The following KEAP1 variants were observed in gnomAD, a reference collection of about 807,000 sequenced individuals.
The protein encoded by KEAP1 is kelch-like ECH-associated protein 1.
KEAP1 carries 26 observed loss-of-function variants against 59.7 expected under a neutral mutation model. That is an observed-to-expected ratio of 0.44 (90% CI 0.32 to 0.60). The LOEUF is 0.60. KEAP1 is among the 20% of genes least tolerant of loss of function. The probability of loss-of-function intolerance (pLI) is 0.06; values close to 1 mark genes in which losing one functional copy is unlikely to be tolerated. For missense variants in KEAP1, 539 were observed against 871.4 expected (o/e 0.62, Z 4.80); for synonymous variants, 350 against 358.3 (o/e 0.98, Z 0.26).
rs2144624246 is a variant in KEAP1 at position 10,499,416 on chromosome 19, G to A, written c.618C>T (p.Tyr206=). ...TCACCTCCCCAAAATGCATGTAGAT[G>A]TACTCCCGGGCACGCTGGTGCAACT... ...CVELHQRARE[Y]IYMHFGEVAK... The change falls in exon 2 of 6, where the codon TAC becomes TAT. Residue 206 remains tyrosine, a synonymous_variant. Coordinates refer to ENST00000171111, the MANE Select transcript of KEAP1 (RefSeq NM_203500.2). This position sits in a 1 kb window ranked among gnomAD's most constrained non-coding sequence, Gnocchi z 6.7. The A allele has an allele frequency of 6.2e-7, 1 of 1,608,416 alleles. No homozygotes were observed. The highest frequency in any genetic ancestry group is 8.5e-7 in the Non-Finnish European group (1 of 1,177,830).
intron 2 of KEAP1, among the ~76,000 whole-genome samples, chr19:10,493,419 C>A: frequency 6.6e-6 from 1 of 151,976 alleles, no homozygotes; most frequent in Non-Finnish European, 1.5e-5. Flanking sequence ...GCCTTAGCCT[C>A]CCAAAGTGCT....
chr19:10,497,282 A>G (rs1914883973), intron 2 of KEAP1, among the ~76,000 whole-genome samples: 1 of 152,166 alleles, frequency 6.6e-6, no homozygotes, highest in African/African-American at 2.4e-5. Flanking sequence ...AACGCCAGAG[A>G]ACCCTGGGGC....
chr19:10,491,818 G>T lies in KEAP1; in HGVS notation c.1084C>A (p.Arg362=). The T allele has an allele frequency of 6.2e-7, 1 of 1,601,398 alleles. No homozygotes were observed. The highest frequency in any genetic ancestry group is 1.1e-5 in the South Asian group (1 of 89,802). Residue 362 remains arginine (R), a synonymous_variant, in exon 3 of 6, where the codon CGG becomes AGG. Coordinates refer to ENST00000171111, the MANE Select transcript of KEAP1 (RefSeq NM_203500.2). The surrounding 1 kb of genome is among the most constrained non-coding windows in gnomAD (Gnocchi z 5.2). ...WLRLADLQVP[R]SGLAGCVVGG... The stretch of plus-strand genomic sequence containing the variant: ...ACCACGCAGCCGGCCAGGCCGCTCC[G>T]CGGCACCTGCAGGTCCGCCAACCGG...
rs144303718 is a variant in KEAP1, at chr19:10,500,657, T to G, written c.-47-577A>C. 4.6e-3 allele frequency among the ~76,000 whole-genome samples: 695 copies of G among 150,140 alleles called. 9 individuals are homozygous for G. The highest frequency in any genetic ancestry group is 0.022 in the East Asian group (114 of 5,126). On this transcript the variant is annotated intron_variant, in intron 1 of 5. Coordinates refer to ENST00000171111, the MANE Select transcript of KEAP1 (RefSeq NM_203500.2). The stretch of plus-strand genomic sequence containing the variant: ...AAATTACAACAGCATTGTGACAACG[T>G]GAGAATCGGGTGCAGTTTGTTTGCT...
rs1914659333 is a variant in KEAP1, at chr19:10,491,340, A to G, written c.1325+237T>C. 6.6e-6 allele frequency among the ~76,000 whole-genome samples: 1 copy of G among 152,000 alleles called. No individual in the cohort carries two copies. Among genetic ancestry groups the G allele is most frequent in the Non-Finnish European group, 1.5e-5 (1 of 67,992 alleles). On this transcript the variant is annotated intron_variant, in intron 3 of 5. Coordinates refer to ENST00000171111, the MANE Select transcript of KEAP1 (RefSeq NM_203500.2). The surrounding 1 kb of genome is among the most constrained non-coding windows in gnomAD (Gnocchi z 5.2). Reference sequence around the variant, plus strand: ...TTTCAAACTGATGGAACATTTTCCAACTCCGCACAAAGGAACCATATGGGT... The same window carrying G: ...TTTCAAACTGATGGAACATTTTCCAGCTCCGCACAAAGGAACCATATGGGT...
intron 2 of KEAP1, among the ~76,000 whole-genome samples, chr19:10,498,074 A>G (rs1914910190): frequency 1.3e-5 from 2 of 149,932 alleles, no homozygotes; most frequent in Non-Finnish European, 1.5e-5. Context: ...CTAATTTTGC[A>G]TTTTTAATAG....
At chr19:10,493,158 CT>C (rs1312242849) in intron 2 of KEAP1, among the ~76,000 whole-genome samples, 1 of 130,082 alleles carries the variant, frequency 7.7e-6, no homozygotes, top group Admixed American at 7.6e-5. Context: ...TCCAGAGCAG[CT>C]AATTTTTTTT....
chr19:10,491,777 G>A lies in KEAP1; in HGVS notation c.1125C>T (p.Tyr375=). 3.2e-6 allele frequency: 5 copies of A among 1,580,930 alleles called. No individual in the cohort carries two copies. Among genetic ancestry groups the A allele is most frequent in the Non-Finnish European group, 3.4e-6 (4 of 1,163,680 alleles). The change falls in exon 3 of 6, where the codon TAC becomes TAT. Residue 375 remains tyrosine (Y), a synonymous_variant. Transcript: ENST00000171111. The surrounding 1 kb of genome is among the most constrained non-coding windows in gnomAD (Gnocchi z 5.2). ...LAGCVVGGLL[Y]AVGGRNNSPD... ...GCGAGTTGTTCCTGCCGCCCACGGC[G>A]TACAACAGCCCGCCCACCACGCAGC...
At chr19:10,492,671 G>A in intron 2 of KEAP1, 1 of 187,810 alleles carries the variant, frequency 5.3e-6, no homozygotes, top group Non-Finnish European at 1.1e-5. Flanking sequence ...GTTGCAGTGA[G>A]CCGATATTGC....
At chr19:10,492,304 C>A (rs2144605694) in intron 2 of KEAP1, 42 bp from the exon 3 acceptor site, 1 of 1,478,374 alleles carries the variant, frequency 6.8e-7, no homozygotes, top group Non-Finnish European at 9.4e-7. Flanking sequence ...CTCCAGTCAC[C>A]CCCACACCTC....
At chr19:10,501,355 C>T (rs909555189) in intron 1 of KEAP1, among the ~76,000 whole-genome samples, 5 of 151,088 alleles carry the variant, frequency 3.3e-5, no homozygotes, top group African/African-American at 4.9e-5. Context: ...CTCGACCGGG[C>T]GTGGTGGCTC....
At chr19:10,493,764 T>C (rs1005242309) in intron 2 of KEAP1, among the ~76,000 whole-genome samples, 1 of 150,896 alleles carries the variant, frequency 6.6e-6, no homozygotes, top group Non-Finnish European at 1.5e-5. Flanking sequence ...GGGGTGACTG[T>C]GTTAGCCAGG....
intron 2 of KEAP1, among the ~76,000 whole-genome samples, chr19:10,494,744 C>T (rs1245256184): frequency 6.6e-6 from 1 of 151,082 alleles, no homozygotes; most frequent in Admixed American, 6.6e-5. Context: ...CAAGCTCTGC[C>T]ATCCAGGTTC....
rs1027736896 is a variant in KEAP1, at chr19:10,486,399, C to T, written c.*253G>A. On this transcript the variant is annotated 3_prime_UTR_variant, in exon 6 of 6. Coordinates refer to ENST00000171111, the MANE Select transcript of KEAP1 (RefSeq NM_203500.2). ...GGCCAGAGGGTTTGGGGGCCTCTCT[C>T]CTGGAAGCCTGCTCTTTCCACACCC... 3 of 439,580 alleles carry T rather than the reference C, an allele frequency of 6.8e-6. No individual in the cohort carries two copies. Among genetic ancestry groups the T allele is most frequent in the African/African-American group, 4.1e-5 (2 of 49,170 alleles). 27.2% of individuals were successfully genotyped at this position (439,580 alleles called of 1,614,324 possible). A position where few individuals can be genotyped will look rare whatever the true frequency, so the allele number is the denominator to read the frequency against.
In KEAP1 at chr19:10,486,477, A is replaced by T; in HGVS notation, c.*175T>A. On this transcript the variant is annotated 3_prime_UTR_variant, in exon 6 of 6. Coordinates refer to ENST00000171111, the MANE Select transcript of KEAP1 (RefSeq NM_203500.2). ...CTCCCGGGGCTCCGCTGAGGGGCAC[A>T]TGATTCCCGCTTTGGACTTCTTTTG... 1 of 703,096 alleles carries T rather than the reference A, an allele frequency of 1.4e-6. No homozygotes were observed. The highest frequency in any genetic ancestry group is 2.4e-6 in the Non-Finnish European group (1 of 410,678). 43.6% of individuals were successfully genotyped at this position (703,096 alleles called of 1,614,324 possible).
intron 5 of KEAP1, 88 bp downstream of exon 5, chr19:10,489,094 TAAAAAAAAAA>T (rs33966407): frequency 1.0e-4 from 44 of 425,418 alleles, no homozygotes; most frequent in Non-Finnish European, 1.5e-4. Context: ...ACCTTGTTTC[TAAAAAAAAAA>T]AAAAAAAAAA....
intron 1 of KEAP1, among the ~76,000 whole-genome samples, chr19:10,500,980 C>T (rs1040842919): frequency 2.1e-4 from 32 of 152,006 alleles, no homozygotes; most frequent in Admixed American, 1.3e-3. Context: ...ATGCCTGACC[C>T]GGGGTGCAGT....
chr19:10,499,050 G>T lies in KEAP1; in HGVS notation c.639+345C>A, dbSNP rs977847491. ...GGTTTTAGCTATGTGGGCCAGGCTG[G>T]TCTTGAACTCCTTACCTCAGGTGAT... is the stretch of plus-strand genomic sequence containing the variant. On this transcript the variant is annotated intron_variant, in intron 2 of 5. Transcript: ENST00000171111. The surrounding 1 kb of genome is among the most constrained non-coding windows in gnomAD (Gnocchi z 6.7). Among the ~76,000 whole-genome samples, 2 of 152,036 alleles carry T rather than the reference G, an allele frequency of 1.3e-5. No individual in the cohort carries two copies. The highest frequency in any genetic ancestry group is 4.8e-5 in the African/African-American group (2 of 41,388).
In KEAP1 at chr19:10,493,891, C is replaced by A. The variant is rs192989620; in HGVS notation, c.640-1629G>T. On this transcript the variant is annotated intron_variant, in intron 2 of 5. Coordinates refer to ENST00000171111, the MANE Select transcript of KEAP1 (RefSeq NM_203500.2). ...TGAACTCTTGACCTTAGGTGATCTG[C>A]CCATCTCAGCCTCCCTAAGTGCTAG... Among the ~76,000 whole-genome samples, 494 of 152,096 alleles carry A rather than the reference C, an allele frequency of 3.2e-3. 6 individuals carry two copies. Among genetic ancestry groups the A allele is most frequent in the African/African-American group, 0.011 (475 of 41,494 alleles).
Sources: gnomAD v4.1 joint callset for allele counts (sites outside exome capture counted in the v4.1 genomes callset) on GRCh38, gnomAD v4.1.1 for gene constraint, Gnocchi (gnomAD v3.1) non-coding constraint, MANE v1.5 for transcripts, NCBI Gene and HGNC (gene_info 2026-07-23, HGNC 2026-07-21) for gene names.